FREM1: variants seen among roughly 807,000 people sequenced by gnomAD.
FREM1 encodes FRAS1-related extracellular matrix protein 1.
FREM1 carries 220 observed loss-of-function variants against 210.1 expected under a neutral mutation model. That is an observed-to-expected ratio of 1.05 (90% CI 0.94 to 1.17). FREM1 has a LOEUF of 1.17. Ranked by LOEUF, FREM1 falls within the 50% of genes most tolerant of loss-of-function variation. The pLI, the probability that FREM1 is intolerant of heterozygous loss-of-function variation, is 0.00. For synonymous variants in FREM1, 1,189 were observed against 980.2 expected, an observed-to-expected ratio of 1.21 and a Z score of -3.98; for missense variants, 3,454 against 2,675.5, an observed-to-expected ratio of 1.29 and a Z score of -6.42.
intron 1 of FREM1, among the ~76,000 whole-genome samples, chr9:14,906,805 A>C (rs1817779727): frequency 6.6e-6 from 1 of 152,208 alleles, no homozygotes; most frequent in Admixed American, 6.5e-5. Flanking sequence ...GTTTGATAGA[A>C]AGCAGGGAAG....
chr9:14,869,270 T>C, intron 1 of FREM1, 26 bp from the exon 2 acceptor site: 1 of 333,856 alleles, frequency 3.0e-6, no homozygotes. Context: ...GGGGTTGGAG[T>C]AAAGCGAGAG....
rs375241879 is a variant in FREM1, at chr9:14,748,511, G to A, written c.5686C>T (p.Pro1896Ser). The A allele has an allele frequency of 6.8e-6, 11 of 1,613,446 alleles. No individual in the cohort carries two copies. The highest frequency in any genetic ancestry group is 9.3e-6 in the Non-Finnish European group (11 of 1,179,500). Reference sequence around the variant, plus strand: ...GCTAGCTGCATGGAAGATGGAAGAGGTCTTCTTTCCAGATGAAAGGAACCA... The same window carrying A: ...GCTAGCTGCATGGAAGATGGAAGAGATCTTCTTTCCAGATGAAAGGAACCA... The part of the protein sequence containing the change: ...TSGSFHLERR[P>S]LPSSMQLAVI... Residue 1896 changes from proline (P) to serine (S), a missense_variant, in exon 31 of 37, where the codon CCT (proline) becomes TCT (serine). By Grantham distance (74) the Pro-to-Ser change is moderately conservative (BLOSUM62 -1). Coordinates refer to ENST00000380880, the MANE Select transcript of FREM1 (RefSeq NM_001379081.2).
intron 36 of FREM1, among the ~76,000 whole-genome samples, chr9:14,738,942 G>C (rs192408839): frequency 7.0e-6 from 1 of 142,244 alleles, no homozygotes; most frequent in African/African-American, 2.7e-5. Flanking sequence ...CCCAGGGGGC[G>C]GAAGTTGCAG....
chr9:14,790,482 C>T (rs562309209), intron 22 of FREM1, among the ~76,000 whole-genome samples: 10 of 152,150 alleles, frequency 6.6e-5, no homozygotes, highest in Admixed American at 5.2e-4. Flanking sequence ...ACGGGAAAGC[C>T]TGCAATTGTA....
intron 2 of FREM1, among the ~76,000 whole-genome samples, chr9:14,864,798 C>G (rs1329453357): frequency 6.6e-6 from 1 of 152,182 alleles, no homozygotes; most frequent in Non-Finnish European, 1.5e-5. Context: ...CATTTTCAGA[C>G]AACATAATTC....
In FREM1 at chr9:14,860,372, G is replaced by A. The variant is rs568880747; in HGVS notation, c.330-888C>T. Among the ~76,000 whole-genome samples the A allele has an allele frequency of 7.9e-5, 12 of 151,956 alleles. No homozygotes were observed. The South Asian group carries it at 2.5e-3, about 32-fold the overall frequency. On this transcript the variant is annotated intron_variant, in intron 3 of 36. Transcript: ENST00000380880. ...TTATTTCAAATGTGCTGAAGACCAA[G>A]AGGGGAAGAAGCTCCTCTAACCCTG...
intron 19 of FREM1, among the ~76,000 whole-genome samples, chr9:14,803,853 T>TA (rs1162438580): frequency 6.6e-6 from 1 of 152,218 alleles, no homozygotes; most frequent in Non-Finnish European, 1.5e-5. Flanking sequence ...TAGTTCAACT[T>TA]ACAATGGTAT....
At chr9:14,765,174 CAATCT>C (rs1846169203) in intron 27 of FREM1, among the ~76,000 whole-genome samples, 1 of 152,152 alleles carries the variant, frequency 6.6e-6, no homozygotes, top group Admixed American at 6.6e-5. Context: ...TTCAAGTATC[CAATCT>C]AAGACTTCTC....
chr9:14,795,221 A>C (rs1432899951), intron 21 of FREM1, among the ~76,000 whole-genome samples: 1 of 152,208 alleles, frequency 6.6e-6, no homozygotes, highest in African/African-American at 2.4e-5. Flanking sequence ...GCATGTTTAC[A>C]TATTTTATTT....
At chr9:14,844,530 C>G (rs1027330892) in intron 8 of FREM1, among the ~76,000 whole-genome samples, 1 of 152,138 alleles carries the variant, frequency 6.6e-6, no homozygotes, top group East Asian at 1.9e-4. Context: ...CGGCCAGAGA[C>G]TTACAATTCT....
rs58017285 is a variant in FREM1, at chr9:14,780,433, GAA to G, written c.4442+3935_4442+3936del. On this transcript the variant is annotated intron_variant, in intron 24 of 36. Coordinates refer to ENST00000380880, the MANE Select transcript of FREM1 (RefSeq NM_001379081.2). ...AATCATAAATAGCGCCAGCTCCTCA[GAA>G]AAAAAAAAAAAAAAAGTCCAGCCGG... Among the ~76,000 whole-genome samples, 12 of 81,542 alleles carry G rather than the reference GAA, an allele frequency of 1.5e-4. No homozygotes were observed. In the East Asian group the frequency reaches 3.4e-3, roughly 23 times the overall value. 53.5% of individuals were successfully genotyped at this position (81,542 alleles called of 152,430 possible).
chr9:14,776,026 C>G lies in FREM1; in HGVS notation c.4620G>C (p.Glu1540Asp), dbSNP rs759712562. The G allele has an allele frequency of 1.2e-6, 2 of 1,614,006 alleles. No homozygotes were observed. Among genetic ancestry groups the G allele is most frequent in the Non-Finnish European group, 8.5e-7 (1 of 1,179,882 alleles). The change falls in exon 25 of 37, where the codon GAG becomes GAC. Residue 1540 changes from glutamate (E) to aspartate (D), a missense_variant. By Grantham distance (45) the Glu-to-Asp change is conservative. Coordinates refer to ENST00000380880, the MANE Select transcript of FREM1 (RefSeq NM_001379081.2). ...LQLTDPDTPA[E>D]NLTFLLVQLP... ...GCTGAACCAAGAGGAAGGTGAGGTTCTCCGCAGGTGTATCAGGGTCGGTCA... is the reference window on the plus strand; with the variant it reads ...GCTGAACCAAGAGGAAGGTGAGGTTGTCCGCAGGTGTATCAGGGTCGGTCA...
intron 2 of FREM1, among the ~76,000 whole-genome samples, chr9:14,865,953 C>T (rs1165633543): frequency 6.6e-6 from 1 of 152,096 alleles, no homozygotes; most frequent in African/African-American, 2.4e-5. Context: ...AGTACTGAAA[C>T]TCCATATTTT....
intron 27 of FREM1, among the ~76,000 whole-genome samples, chr9:14,766,369 T>C (rs531269498): frequency 6.6e-6 from 1 of 152,210 alleles, no homozygotes; most frequent in East Asian, 1.9e-4. Flanking sequence ...ATTCTGCCTG[T>C]GTGTGGGGTG....
chr9:14,759,948 C>A, intron 27 of FREM1, 47 bp from the exon 28 acceptor site: 1 of 1,498,998 alleles, frequency 6.7e-7, no homozygotes, highest in East Asian at 2.4e-5. Context: ...ATAGTATATG[C>A]CTATAGGGAT....
intron 5 of FREM1, among the ~76,000 whole-genome samples, chr9:14,856,710 G>A (rs1365934453): frequency 6.6e-6 from 1 of 152,002 alleles, no homozygotes; most frequent in African/African-American, 2.4e-5. Flanking sequence ...GCAGGCGCCT[G>A]TAGTCCCAGC....
At chr9:14,817,209 A>G (rs959701440) in intron 14 of FREM1, among the ~76,000 whole-genome samples, 3 of 152,174 alleles carry the variant, frequency 2.0e-5, no homozygotes, top group African/African-American at 7.2e-5. Flanking sequence ...GGCCAGGAGA[A>G]CCCTCAGACT....
intron 10 of FREM1, among the ~76,000 whole-genome samples, chr9:14,828,750 T>G (rs1158358349): frequency 6.6e-6 from 1 of 152,026 alleles, no homozygotes; most frequent in Non-Finnish European, 1.5e-5. Flanking sequence ...TTATAGCAGA[T>G]TAAACAAACT....
intron 14 of FREM1, among the ~76,000 whole-genome samples, chr9:14,817,199 G>A (rs1820456332): frequency 6.6e-6 from 1 of 152,118 alleles, no homozygotes; most frequent in Non-Finnish European, 1.5e-5. Flanking sequence ...CACTGACTAG[G>A]GCCAGGAGAA....
Sources: gnomAD v4.1 joint callset for allele counts (sites outside exome capture counted in the v4.1 genomes callset) on GRCh38, gnomAD v4.1.1 for gene constraint, MANE v1.5 for transcripts, NCBI Gene and HGNC (gene_info 2026-07-23, HGNC 2026-07-21) for gene names.